HS3ST5: variants seen among roughly 807,000 people sequenced by gnomAD.
HS3ST5 encodes the protein heparan sulfate glucosamine 3-O-sulfotransferase 5.
HS3ST5 carries 10 observed loss-of-function variants against 25.4 expected under a neutral mutation model. The observed-to-expected ratio is 0.39, with a 90% CI of 0.24 to 0.67. The LOEUF (loss-of-function observed/expected upper bound fraction) is 0.67. Among genes scored for constraint, HS3ST5 ranks in the 30% least tolerant of loss-of-function variants. The pLI is 0.44. For missense variants in HS3ST5, 324 were observed against 420.7 expected (o/e 0.77, Z 2.01); for synonymous variants, 170 against 162.4 (o/e 1.05, Z -0.36).
chr6:114,313,247 C>A (rs1025465696), intron 1 of HS3ST5, among the ~76,000 whole-genome samples: 1 of 152,054 alleles, frequency 6.6e-6, no homozygotes, highest in African/African-American at 2.4e-5. Context: ...CTGGAACTTA[C>A]GTTTCTGGTG....
intron 1 of HS3ST5, among the ~76,000 whole-genome samples, chr6:114,284,295 A>G (rs564230497): frequency 1.3e-5 from 2 of 152,162 alleles, no homozygotes; most frequent in South Asian, 4.1e-4. Context: ...AAAGGCTTTC[A>G]TATCGAGACA....
intron 2 of HS3ST5, among the ~76,000 whole-genome samples, chr6:114,182,359 G>A (rs1215359868): frequency 6.6e-6 from 1 of 152,166 alleles, no homozygotes; most frequent in Non-Finnish European, 1.5e-5. Context: ...GTTGGGCAAT[G>A]CTGAGATAAT....
intron 3 of HS3ST5, among the ~76,000 whole-genome samples, chr6:114,155,173 C>T (rs1485543698): frequency 2.0e-5 from 3 of 152,186 alleles, no homozygotes; most frequent in African/African-American, 7.2e-5. Context: ...AACTCTACTT[C>T]TTACATATTG....
intron 1 of HS3ST5, among the ~76,000 whole-genome samples, chr6:114,322,330 A>C (rs1225276432): frequency 1.3e-5 from 2 of 152,158 alleles, no homozygotes; most frequent in African/African-American, 4.8e-5. Flanking sequence ...GCTTAACCTT[A>C]GTTTTAAGAC....
At chr6:114,200,770 A>G (rs964424589) in intron 2 of HS3ST5, among the ~76,000 whole-genome samples, 5 of 152,182 alleles carry the variant, frequency 3.3e-5, no homozygotes, top group African/African-American at 1.2e-4. Flanking sequence ...AATGAGAATT[A>G]AGAAAATTTG....
chr6:114,233,776 T>C lies in HS3ST5; in HGVS notation c.-338-4998A>G, dbSNP rs1771723044. Among the ~76,000 whole-genome samples the C allele has an allele frequency of 2.0e-5, 3 of 152,286 alleles. No individual in the cohort carries two copies. The South Asian group carries it at 6.2e-4, about 32-fold the overall frequency. On this transcript the variant is annotated intron_variant, in intron 1 of 4. Coordinates refer to ENST00000312719, the MANE Select transcript of HS3ST5 (RefSeq NM_153612.4). Reference sequence around the variant, plus strand: ...ACCCCAAGTTCAAATTAATTCCTAGTTAGTGGACATTTACCTGAAAAGAAC... The same window carrying C: ...ACCCCAAGTTCAAATTAATTCCTAGCTAGTGGACATTTACCTGAAAAGAAC...
intron 1 of HS3ST5, among the ~76,000 whole-genome samples, chr6:114,235,043 A>G (rs979984628): frequency 6.6e-6 from 1 of 152,064 alleles, no homozygotes. Context: ...GAATCGCTTG[A>G]ACCTGGGAGA....
At chr6:114,331,285 A>T (rs1776384999) in intron 1 of HS3ST5, among the ~76,000 whole-genome samples, 1 of 152,202 alleles carries the variant, frequency 6.6e-6, no homozygotes, top group Admixed American at 6.5e-5. Context: ...CATCTTCAAA[A>T]TAGTTTAAGA....
At chr6:114,272,669 G>A (rs916971150) in intron 1 of HS3ST5, among the ~76,000 whole-genome samples, 4 of 152,056 alleles carry the variant, frequency 2.6e-5, no homozygotes, top group African/African-American at 4.8e-5. Flanking sequence ...CAGGATCCAC[G>A]TGGGACCTCC....
At chr6:114,073,594 A>C (rs1773954641) in intron 3 of HS3ST5, among the ~76,000 whole-genome samples, 1 of 152,250 alleles carries the variant, frequency 6.6e-6, no homozygotes, top group African/African-American at 2.4e-5. Flanking sequence ...ATGAGATACC[A>C]TCTCACACCA....
intron 2 of HS3ST5, among the ~76,000 whole-genome samples, chr6:114,182,442 C>T (rs577193209): frequency 1.2e-4 from 19 of 152,238 alleles, no homozygotes; most frequent in African/African-American, 3.9e-4. Flanking sequence ...CCTGAAGATT[C>T]GAGTTCTTGC....
At chr6:114,102,259 A>T (rs1357996613) in intron 3 of HS3ST5, among the ~76,000 whole-genome samples, 1 of 152,180 alleles carries the variant, frequency 6.6e-6, no homozygotes, top group Non-Finnish European at 1.5e-5. Flanking sequence ...ACCATTCAAT[A>T]TGTTACTGCA....
chr6:114,141,693 T>C (rs1187378845), intron 3 of HS3ST5, among the ~76,000 whole-genome samples: 2 of 152,124 alleles, frequency 1.3e-5, no homozygotes, highest in African/African-American at 4.8e-5. Flanking sequence ...TGAAACTCAG[T>C]TGGAATGTGA....
rs866352802 is a variant in HS3ST5, at chr6:114,114,606, G to A, written c.-32-51729C>T. Among the ~76,000 whole-genome samples the A allele has an allele frequency of 1.6e-4, 24 of 152,170 alleles. No individual in the cohort carries two copies. In the Middle Eastern group the frequency reaches 0.01, roughly 65 times the overall value. On this transcript the variant is annotated intron_variant, in intron 3 of 4. Transcript: ENST00000312719. ...AAACTGCTCTTTAAAATCTGATTAT[G>A]TGCAGATATTAGGTCTATTTTGTTA...
chr6:114,245,319 T>G (rs1028508397), intron 1 of HS3ST5, among the ~76,000 whole-genome samples: 1 of 152,082 alleles, frequency 6.6e-6, no homozygotes, highest in East Asian at 1.9e-4. Flanking sequence ...TTTAGAGAGA[T>G]AGGACGGTAA....
Position 114,288,165 on chromosome 6 carries a change from T to C in HS3ST5, c.-339+54030A>G, listed in dbSNP as rs555318419. Reference sequence around the variant, plus strand: ...GGACTATGCAAAAATATTTGTTAAGTAATGTAAAGCAGCAGTGTGATCAAC... The same window carrying C: ...GGACTATGCAAAAATATTTGTTAAGCAATGTAAAGCAGCAGTGTGATCAAC... On this transcript the variant is annotated intron_variant, in intron 1 of 4. Coordinates refer to ENST00000312719, the MANE Select transcript of HS3ST5 (RefSeq NM_153612.4). Among the ~76,000 whole-genome samples, 4 of 152,214 alleles carry C rather than the reference T, an allele frequency of 2.6e-5. No homozygotes were observed. The East Asian group carries it at 7.8e-4, about 29-fold the overall frequency.
At chr6:114,250,001 T>G (rs1772573930) in intron 1 of HS3ST5, among the ~76,000 whole-genome samples, 1 of 152,208 alleles carries the variant, frequency 6.6e-6, no homozygotes, top group Non-Finnish European at 1.5e-5. Context: ...ATCATTTGCT[T>G]TTTAAGTGGG....
At chr6:114,324,648 C>A (rs1776100796) in intron 1 of HS3ST5, among the ~76,000 whole-genome samples, 1 of 152,146 alleles carries the variant, frequency 6.6e-6, no homozygotes, top group African/African-American at 2.4e-5. Flanking sequence ...TGTTCTTTGC[C>A]TCTTCAAGCC....
intron 1 of HS3ST5, among the ~76,000 whole-genome samples, chr6:114,230,593 A>T (rs868139698): frequency 1.8e-4 from 21 of 116,912 alleles, no homozygotes; most frequent in Admixed American, 2.0e-4. Flanking sequence ...TTGCCTTAAG[A>T]CTCTTTTTTT....
Sources: gnomAD v4.1 joint callset for allele counts (sites outside exome capture counted in the v4.1 genomes callset) on GRCh38, gnomAD v4.1.1 for gene constraint, MANE v1.5 for transcripts, NCBI Gene and HGNC (gene_info 2026-07-23, HGNC 2026-07-21) for gene names.